Variants in ZNF385D observed in about 807,000 individuals in gnomAD.
ZNF385D encodes the protein zinc finger protein 659.
ZNF385D carries 15 observed loss-of-function variants against 35.8 expected under a neutral mutation model. The observed-to-expected ratio is 0.42, with a 90% CI of 0.28 to 0.64. ZNF385D has a LOEUF of 0.64. Ranked by LOEUF, ZNF385D falls within the 30% of genes least tolerant of loss-of-function variation. The pLI is 0.23. For missense variants in ZNF385D, 474 were observed against 494.6 expected (o/e 0.96, Z 0.39); for synonymous variants, 212 against 186.8 (o/e 1.13, Z -1.10).
chr3:22,286,940 G>C (rs1053594969), intron 2 of ZNF385D, among the ~76,000 whole-genome samples: 4 of 151,996 alleles, frequency 2.6e-5, no homozygotes, highest in Non-Finnish European at 4.4e-5. Context: ...TTAATTTTCT[G>C]TGAGGATAAT....
intron 2 of ZNF385D, among the ~76,000 whole-genome samples, chr3:22,349,520 C>T (rs112273316): frequency 0.028 from 4,208 of 152,208 alleles, 200 homozygotes; most frequent in African/African-American, 0.096. Flanking sequence ...AACATTTACT[C>T]TTCAAGAAAG....
intron 3 of ZNF385D, among the ~76,000 whole-genome samples, chr3:22,018,934 C>T (rs76885527): frequency 0.034 from 5,120 of 150,682 alleles, 278 homozygotes; most frequent in African/African-American, 0.12. Flanking sequence ...CAGGATTGAA[C>T]GTGCAATTCC....
At chr3:21,505,387 T>C (rs529417903) in intron 4 of ZNF385D, among the ~76,000 whole-genome samples, 10 of 152,028 alleles carry the variant, frequency 6.6e-5, no homozygotes, top group African/African-American at 2.4e-4. Context: ...AGACTCTTTG[T>C]GGCAATAAGA....
intron 3 of ZNF385D, among the ~76,000 whole-genome samples, chr3:21,967,748 T>C (rs1325955006): frequency 6.6e-6 from 1 of 152,214 alleles, no homozygotes; most frequent in Admixed American, 6.5e-5. Flanking sequence ...CATTTAGGAC[T>C]TGAGTGACCA....
intron 3 of ZNF385D, among the ~76,000 whole-genome samples, chr3:21,856,086 A>G (rs545433548): frequency 1.4e-4 from 22 of 152,188 alleles, no homozygotes; most frequent in African/African-American, 5.1e-4. Context: ...GTCAACAAAT[A>G]TAAGTTACAG....
intron 3 of ZNF385D, among the ~76,000 whole-genome samples, chr3:21,968,433 G>A (rs1441537961): frequency 6.6e-6 from 1 of 152,142 alleles, no homozygotes; most frequent in Non-Finnish European, 1.5e-5. Context: ...ATCAGCCTAG[G>A]AAGCCAAGGG....
At chr3:21,933,044 G>A (rs1701092369) in intron 3 of ZNF385D, among the ~76,000 whole-genome samples, 1 of 152,166 alleles carries the variant, frequency 6.6e-6, no homozygotes, top group African/African-American at 2.4e-5. Flanking sequence ...AAGAGAGACA[G>A]CGGAAAACTT....
intron 2 of ZNF385D, among the ~76,000 whole-genome samples, chr3:21,659,122 G>A (rs901621097): frequency 1.3e-5 from 2 of 151,116 alleles, no homozygotes; most frequent in Non-Finnish European, 2.9e-5. Context: ...CACTGTCATC[G>A]TATTTCTAGT....
At chr3:21,851,426 T>C (rs1458942689) in intron 3 of ZNF385D, among the ~76,000 whole-genome samples, 4 of 151,956 alleles carry the variant, frequency 2.6e-5, no homozygotes, top group Non-Finnish European at 1.5e-5. Flanking sequence ...GTTTTTACAA[T>C]AGAAACGAAA....
intron 1 of ZNF385D, among the ~76,000 whole-genome samples, chr3:21,722,013 T>C (rs2068561434): frequency 6.8e-6 from 1 of 148,006 alleles, no homozygotes; most frequent in African/African-American, 2.5e-5. Context: ...GGGAGGAGAA[T>C]CACTTGAACC....
At chr3:22,065,752 C>A (rs1424752492) in intron 3 of ZNF385D, among the ~76,000 whole-genome samples, 1 of 152,120 alleles carries the variant, frequency 6.6e-6, no homozygotes, top group African/African-American at 2.4e-5. Context: ...AAAACCAGCA[C>A]ATAAATGTCT....
chr3:21,924,586 T>A (rs13076554), intron 3 of ZNF385D, among the ~76,000 whole-genome samples: 81,283 of 152,074 alleles, frequency 0.53, 23,811 homozygotes, highest in South Asian at 0.66. Flanking sequence ...TCTAATCTAT[T>A]ACAAGCAATC....
Position 22,138,155 on chromosome 3 carries a change from T to G in ZNF385D, c.325+30662A>C, listed in dbSNP as rs573624354. ...AGGAGAACTACAAACCACTGCTCAA[T>G]GAAATAAAAGAGGATACAAACAAAT... On this transcript the variant is annotated intron_variant, in intron 3 of 5. Transcript: ENST00000494108. 4.5e-4 allele frequency among the ~76,000 whole-genome samples: 68 copies of G among 152,006 alleles called. 1 individual carries two copies. In the East Asian group the frequency reaches 0.01, roughly 23 times the overall value.
intron 3 of ZNF385D, among the ~76,000 whole-genome samples, chr3:22,118,030 G>A (rs1702896907): frequency 6.6e-6 from 1 of 152,000 alleles, no homozygotes; most frequent in African/African-American, 2.4e-5. Flanking sequence ...TAAAACCTGT[G>A]ATTTGTAACA....
chr3:21,736,117 G>A (rs2069231210), intron 1 of ZNF385D, among the ~76,000 whole-genome samples: 1 of 152,132 alleles, frequency 6.6e-6, no homozygotes, highest in South Asian at 2.1e-4. Flanking sequence ...ACCTTCTTAA[G>A]CTTCCTGAAA....
chr3:22,200,090 T>C (rs1478054688), intron 2 of ZNF385D, among the ~76,000 whole-genome samples: 3 of 152,162 alleles, frequency 2.0e-5, no homozygotes, highest in East Asian at 3.9e-4. Context: ...AAAGACAGAA[T>C]AGGAACATCC....
chr3:21,584,025 G>A (rs188186046), intron 2 of ZNF385D, among the ~76,000 whole-genome samples: 206 of 151,034 alleles, frequency 1.4e-3, no homozygotes, highest in Non-Finnish European at 2.1e-3. Context: ...CCAGGCTGGA[G>A]TGCGATGGCG....
intron 3 of ZNF385D, among the ~76,000 whole-genome samples, chr3:21,897,453 T>C (rs1320182569): frequency 1.3e-5 from 2 of 152,220 alleles, no homozygotes; most frequent in Non-Finnish European, 2.9e-5. Context: ...TTTTATTTTA[T>C]GCCCCTTACG....
intron 3 of ZNF385D, among the ~76,000 whole-genome samples, chr3:22,023,011 T>A (rs932780622): frequency 6.6e-6 from 1 of 152,140 alleles, no homozygotes; most frequent in Admixed American, 6.6e-5. Flanking sequence ...AAAATAAAAG[T>A]ACACAGTTCT....
Sources: allele counts gnomAD v4.1 joint callset (sites outside exome capture counted in the v4.1 genomes callset), GRCh38; gene constraint gnomAD v4.1.1; transcripts MANE v1.5; gene names NCBI Gene and HGNC (gene_info 2026-07-23, HGNC 2026-07-21).